The following FGF12 variants were observed in gnomAD, a reference collection of about 807,000 sequenced individuals.
FGF12 encodes the protein fibroblast growth factor 12.
Under a neutral mutation model 23.6 loss-of-function variants are expected in FGF12, and 14 were observed. That is an observed-to-expected ratio of 0.59 (90% CI 0.39 to 0.93). The LOEUF is 0.93. Among genes scored for constraint, FGF12 ranks in the 40% least tolerant of loss-of-function variants. The probability of loss-of-function intolerance (pLI) is 0.00; values close to 1 mark genes in which losing one functional copy is unlikely to be tolerated. For synonymous variants in FGF12, 62 were observed against 77.3 expected (o/e 0.80, Z 1.04); for missense variants, 175 against 217.8 (o/e 0.80, Z 1.24).
At chr3:192,665,308 T>C (rs1006100043) in intron 2 of FGF12, among the ~76,000 whole-genome samples, 9 of 152,170 alleles carry the variant, frequency 5.9e-5, no homozygotes, top group East Asian at 5.8e-4. Flanking sequence ...GGTAAGGAAA[T>C]GAAGATTGAA....
At chr3:192,392,956 C>A (rs1019782359) in intron 2 of FGF12, among the ~76,000 whole-genome samples, 2 of 152,138 alleles carry the variant, frequency 1.3e-5, no homozygotes, top group African/African-American at 4.8e-5. Flanking sequence ...CTTTTTAATT[C>A]TACCTATATG....
At chr3:192,227,580 TAA>T (rs778525112) in intron 4 of FGF12, among the ~76,000 whole-genome samples, 55 of 60,162 alleles carry the variant, frequency 9.1e-4, no homozygotes, top group Non-Finnish European at 1.4e-3. Flanking sequence ...GAACTTAAAG[TAA>T]AAAAAAAAAA....
chr3:192,211,435 AT>A (rs1286840198), intron 4 of FGF12, among the ~76,000 whole-genome samples: 1 of 151,994 alleles, frequency 6.6e-6, no homozygotes, highest in African/African-American at 2.4e-5. Context: ...TTATTTGTTT[AT>A]TTTTTTGAGA....
At chr3:192,723,874 AGAGAGGAGAG>A (rs750422316) in intron 2 of FGF12, among the ~76,000 whole-genome samples, 2 of 131,048 alleles carry the variant, frequency 1.5e-5, no homozygotes, top group Non-Finnish European at 3.3e-5. Context: ...AGAGAGAGAG[AGAGAGGAGAG>A]GAGAGGAGAG....
At chr3:192,635,158 C>T (rs35207822) in intron 2 of FGF12, among the ~76,000 whole-genome samples, 8 of 152,150 alleles carry the variant, frequency 5.3e-5, no homozygotes, top group East Asian at 1.9e-4. Context: ...CCACGCCTGA[C>T]GGAGAATAAT....
chr3:192,173,537 C>CTAA (rs1553846448), intron 4 of FGF12, among the ~76,000 whole-genome samples: 4 of 152,014 alleles, frequency 2.6e-5, no homozygotes, highest in Non-Finnish European at 5.9e-5. Flanking sequence ...TTTCCTAGGA[C>CTAA]TAATAAAGTA....
chr3:192,359,279 G>A (rs994373662), intron 3 of FGF12, among the ~76,000 whole-genome samples: 1 of 152,138 alleles, frequency 6.6e-6, no homozygotes, highest in African/African-American at 2.4e-5. Context: ...AACTTAGAAA[G>A]GGTGGACAAG....
chr3:192,198,146 C>G (rs1717174515), intron 4 of FGF12, among the ~76,000 whole-genome samples: 1 of 151,860 alleles, frequency 6.6e-6, no homozygotes, highest in African/African-American at 2.4e-5. Context: ...ATTCTAAAGG[C>G]AGAGAGCTGA....
intron 2 of FGF12, among the ~76,000 whole-genome samples, chr3:192,476,483 T>C (rs548196548): frequency 1.5e-4 from 23 of 152,318 alleles, no homozygotes; most frequent in Admixed American, 1.3e-4. Flanking sequence ...TGATAAATAA[T>C]TAATGAATGA....
chr3:192,603,176 C>G, intron 2 of FGF12, among the ~76,000 whole-genome samples: 1 of 152,140 alleles, frequency 6.6e-6, no homozygotes, highest in East Asian at 1.9e-4. Flanking sequence ...GCTGGAAGTC[C>G]TAGCCAGAGC....
chr3:192,666,114 G>C lies in FGF12; in HGVS notation c.13+61067C>G, dbSNP rs1716863939. ...ACCCCAAAACAATAGCTCTCAATTT[G>C]ATAACAATAGCTCTCAATTTGATAA... is the stretch of plus-strand genomic sequence containing the variant. On this transcript the variant is annotated intron_variant, in intron 2 of 5. Coordinates refer to ENST00000445105, the MANE Select transcript of FGF12 (RefSeq NM_004113.6). 2.0e-5 allele frequency among the ~76,000 whole-genome samples: 3 copies of C among 152,168 alleles called. No homozygotes were observed. In the South Asian group the frequency reaches 6.2e-4, roughly 32 times the overall value.
chr3:192,306,447 C>G (rs1016800804), intron 4 of FGF12, among the ~76,000 whole-genome samples: 1 of 152,122 alleles, frequency 6.6e-6, no homozygotes, highest in African/African-American at 2.4e-5. Context: ...GCATCATAAT[C>G]ACTACCAAAA....
chr3:192,471,763 T>C (rs115739214), intron 2 of FGF12, among the ~76,000 whole-genome samples: 1,929 of 152,334 alleles, frequency 0.013, 44 homozygotes, highest in African/African-American at 0.044. Flanking sequence ...TAGCTGAGTT[T>C]GCATGTATTG....
intron 2 of FGF12, among the ~76,000 whole-genome samples, chr3:192,450,900 A>G (rs35092415): frequency 6.6e-6 from 1 of 152,192 alleles, no homozygotes; most frequent in Non-Finnish European, 1.5e-5. Context: ...AGCTTCCTGT[A>G]TATGTTCAAC....
At chr3:192,479,252 G>A (rs1255609912) in intron 2 of FGF12, among the ~76,000 whole-genome samples, 2 of 152,136 alleles carry the variant, frequency 1.3e-5, no homozygotes, top group African/African-American at 4.8e-5. Flanking sequence ...TATGTTTAGA[G>A]TCTAACACCA....
At chr3:192,435,135 T>C (rs1265467799) in intron 2 of FGF12, among the ~76,000 whole-genome samples, 4 of 152,200 alleles carry the variant, frequency 2.6e-5, no homozygotes, top group Non-Finnish European at 4.4e-5. Context: ...CTATGATCTA[T>C]AAAGCATAAA....
chr3:192,309,078 T>A (rs900356728), intron 4 of FGF12, among the ~76,000 whole-genome samples: 6 of 152,210 alleles, frequency 3.9e-5, no homozygotes, highest in African/African-American at 1.4e-4. Context: ...CAGGAGCAAC[T>A]CCATTTCTGG....
Position 192,727,481 on chromosome 3 carries a change from T to C in FGF12, c.-131+3A>G. 1 of 673,028 alleles carries C rather than the reference T, an allele frequency of 1.5e-6. No homozygotes were observed. Among genetic ancestry groups the C allele is most frequent in the South Asian group, 2.0e-5 (1 of 49,864 alleles). The allele number at this position is 673,028 out of a possible 1,614,324, so 41.7% of individuals were successfully genotyped here. On this transcript the variant is annotated splice_donor_region_variant and intron_variant, in intron 1 of 5. Coordinates refer to ENST00000445105, the MANE Select transcript of FGF12 (RefSeq NM_004113.6). ...GCTCAGATTTTTTTTTTTTTTTTTT[T>C]ACCTGGGTCTGGAAGCTGCAGGCAG...
chr3:192,170,370 C>T, intron 5 of FGF12, 88 bp downstream of exon 5: 1 of 1,039,210 alleles, frequency 9.6e-7, no homozygotes, highest in African/African-American at 1.6e-5. Context: ...GCATTCCAGG[C>T]AAACTCTCTG....
Sources: gnomAD v4.1 joint callset for allele counts (sites outside exome capture counted in the v4.1 genomes callset) on GRCh38, gnomAD v4.1.1 for gene constraint, MANE v1.5 for transcripts, NCBI Gene and HGNC (gene_info 2026-07-23, HGNC 2026-07-21) for gene names.